The following SLC24A3 variants were observed in gnomAD, a reference collection of about 807,000 sequenced individuals.
SLC24A3 encodes solute carrier family 24 member 3.
A neutral mutation model predicts 75.8 loss-of-function variants in SLC24A3; 28 were observed. The ratio of observed to expected loss-of-function variants is 0.37; its 90% confidence interval spans 0.27 to 0.51. The LOEUF (loss-of-function observed/expected upper bound fraction) is 0.51. SLC24A3 is among the 20% of genes least tolerant of loss of function. The pLI is 0.94. For synonymous variants in SLC24A3, 372 were observed against 334.1 expected (o/e 1.11, Z -1.24); for missense variants, 663 against 847.8 (o/e 0.78, Z 2.71).
chr20:19,453,180 G>A (rs974613086), intron 2 of SLC24A3, among the ~76,000 whole-genome samples: 4 of 151,416 alleles, frequency 2.6e-5, no homozygotes, highest in African/African-American at 4.9e-5. Context: ...ACTCTGCCTC[G>A]AACAACAACA....
chr20:19,444,879 G>A (rs886262690), intron 2 of SLC24A3, among the ~76,000 whole-genome samples: 1 of 150,898 alleles, frequency 6.6e-6, no homozygotes, highest in Admixed American at 6.6e-5. Flanking sequence ...TTTTGTTGTT[G>A]TTGTTGTTGT....
intron 13 of SLC24A3, among the ~76,000 whole-genome samples, chr20:19,695,268 A>G (rs1182507605): frequency 6.6e-6 from 1 of 152,170 alleles, no homozygotes; most frequent in Non-Finnish European, 1.5e-5. Context: ...CCCAGGAGGA[A>G]CTGTGAGAAG....
intron 2 of SLC24A3, among the ~76,000 whole-genome samples, chr20:19,513,092 C>T (rs2029913768): frequency 6.6e-6 from 1 of 152,056 alleles, no homozygotes; most frequent in South Asian, 2.1e-4. Flanking sequence ...CCTGTGGCAG[C>T]TACACTGAAA....
At chr20:19,307,982 G>T (rs950472636) in intron 2 of SLC24A3, among the ~76,000 whole-genome samples, 3 of 152,162 alleles carry the variant, frequency 2.0e-5, no homozygotes, top group Non-Finnish European at 4.4e-5. Context: ...TGGAAACAAA[G>T]AATTTTTTAA....
chr20:19,250,335 C>T (rs1432079727), intron 1 of SLC24A3, among the ~76,000 whole-genome samples: 3 of 152,180 alleles, frequency 2.0e-5, no homozygotes, highest in Admixed American at 6.5e-5. Flanking sequence ...CAGGTTCCTC[C>T]GGTTGGGATA....
intron 1 of SLC24A3, chr20:19,265,857 G>A (rs1183311995): frequency 6.5e-6 from 1 of 152,824 alleles, no homozygotes; most frequent in East Asian, 1.9e-4. Context: ...CTCAGTTACA[G>A]GCACCTCTCA....
intron 6 of SLC24A3, among the ~76,000 whole-genome samples, chr20:19,622,808 A>G (rs2031820864): frequency 6.6e-6 from 1 of 152,210 alleles, no homozygotes; most frequent in Non-Finnish European, 1.5e-5. Context: ...TACAAGAAGC[A>G]TGGCACCAGC....
intron 6 of SLC24A3, among the ~76,000 whole-genome samples, chr20:19,590,142 TGAA>T (rs1332240314): frequency 3.3e-5 from 5 of 151,156 alleles, no homozygotes; most frequent in Non-Finnish European, 7.4e-5. Context: ...TTTTTGCCAT[TGAA>T]AGTAATGGCA....
chr20:19,370,073 GTGCCTCAA>G (rs1985965837), intron 2 of SLC24A3, among the ~76,000 whole-genome samples: 1 of 151,968 alleles, frequency 6.6e-6, no homozygotes, highest in Non-Finnish European at 1.5e-5. Flanking sequence ...TGTATAAATT[GTGCCTCAA>G]TGAAAAGTTA....
rs557943144 is a variant in SLC24A3 at position 19,466,957 on chromosome 20, G to C, written c.272-48531G>C. On this transcript the variant is annotated intron_variant, in intron 2 of 16. Transcript: ENST00000328041. ...GAATAAGACAGGGTCCCTGACCTCT[G>C]AGCTTGCATTCTAGTTAGGGGATAC... is the stretch of plus-strand genomic sequence containing the variant. 5.9e-5 allele frequency among the ~76,000 whole-genome samples: 9 copies of C among 152,340 alleles called. No homozygotes were observed. The South Asian group carries it at 8.3e-4, about 14-fold the overall frequency.
At chr20:19,611,786 A>G (rs1247872035) in intron 6 of SLC24A3, among the ~76,000 whole-genome samples, 1 of 152,188 alleles carries the variant, frequency 6.6e-6, no homozygotes, top group Non-Finnish European at 1.5e-5. Flanking sequence ...TTTGCTTCAC[A>G]ATCACTGCCC....
rs577855663 is a variant in SLC24A3, at chr20:19,300,544, G to A, written c.271+19457G>A. ...GACAAGAAAAGAATGCTGCTGTTTT[G>A]TGCTGCCAGTGTGGTCTGGTTTGTT... On this transcript the variant is annotated intron_variant, in intron 2 of 16. Transcript: ENST00000328041. 3.9e-5 allele frequency among the ~76,000 whole-genome samples: 6 copies of A among 152,306 alleles called. No homozygotes were observed. In the South Asian group the frequency reaches 8.3e-4, roughly 21 times the overall value.
rs575087898 is a variant in SLC24A3 at position 19,377,090 on chromosome 20, A to T, written c.271+96003A>T. On this transcript the variant is annotated intron_variant, in intron 2 of 16. Coordinates refer to ENST00000328041, the MANE Select transcript of SLC24A3 (RefSeq NM_020689.4). ...TACTTGGGATTCTGGTGAAGCAGAG[A>T]TTATTTATTAGTTGGAGTGTGTACA... 2.0e-5 allele frequency among the ~76,000 whole-genome samples: 3 copies of T among 152,270 alleles called. No homozygotes were observed. The East Asian group carries it at 5.8e-4, about 29-fold the overall frequency.
Position 19,570,463 on chromosome 20 carries a change from C to A in SLC24A3, c.349-9537C>A, listed in dbSNP as rs2031034495. Among the ~76,000 whole-genome samples, 3 of 152,088 alleles carry A rather than the reference C, an allele frequency of 2.0e-5. No homozygotes were observed. In the South Asian group the frequency reaches 6.2e-4, roughly 32 times the overall value. ...CCCCCCTGTGTGTTCCCATGCAGCA[C>A]CTGGTACTGGTTAGAAATGGAGATC... On this transcript the variant is annotated intron_variant, in intron 3 of 16. Coordinates refer to ENST00000328041, the MANE Select transcript of SLC24A3 (RefSeq NM_020689.4).
intron 2 of SLC24A3, among the ~76,000 whole-genome samples, chr20:19,506,453 G>A (rs566693854): frequency 9.9e-5 from 15 of 152,194 alleles, no homozygotes; most frequent in African/African-American, 2.9e-4. Context: ...AAGAAAAAAG[G>A]GGGTAATTTG....
intron 2 of SLC24A3, among the ~76,000 whole-genome samples, chr20:19,445,360 C>A (rs964851072): frequency 6.6e-6 from 1 of 152,192 alleles, no homozygotes; most frequent in African/African-American, 2.4e-5. Flanking sequence ...ATAGTAGCAG[C>A]AGAATTCATA....
intron 8 of SLC24A3, among the ~76,000 whole-genome samples, chr20:19,673,359 T>C (rs1188691261): frequency 2.6e-5 from 4 of 152,198 alleles, no homozygotes; most frequent in Non-Finnish European, 5.9e-5. Flanking sequence ...AGAGCTCTTT[T>C]AGGTGACAAA....
intron 5 of SLC24A3, 59 bp downstream of exon 5, chr20:19,585,114 G>A (rs1266066950): frequency 2.9e-5 from 42 of 1,468,432 alleles, no homozygotes; most frequent in Non-Finnish European, 3.7e-5. Flanking sequence ...AAGGGCTCTG[G>A]GAATGGATGG....
chr20:19,340,684 C>T (rs935887478), intron 2 of SLC24A3, among the ~76,000 whole-genome samples: 5 of 152,098 alleles, frequency 3.3e-5, no homozygotes, highest in Non-Finnish European at 7.3e-5. Context: ...GGTTGGGAAC[C>T]GCTTGGCAAC....
Sources: gnomAD v4.1 joint callset for allele counts (sites outside exome capture counted in the v4.1 genomes callset) on GRCh38, gnomAD v4.1.1 for gene constraint, MANE v1.5 for transcripts, NCBI Gene and HGNC (gene_info 2026-07-23, HGNC 2026-07-21) for gene names.